The following PRKAR1B variants were observed in gnomAD, a reference collection of about 807,000 sequenced individuals.
The protein encoded by PRKAR1B is cAMP-dependent protein kinase type I-beta regulatory subunit.
In PRKAR1B, 22 loss-of-function variants were observed where a neutral mutation model predicts 46.5. The ratio of observed to expected loss-of-function variants is 0.47; its 90% CI spans 0.34 to 0.68. PRKAR1B has a LOEUF of 0.68. PRKAR1B is among the 30% of genes least tolerant of loss of function. The probability of loss-of-function intolerance (pLI) is 0.01; values close to 1 mark genes in which losing one functional copy is unlikely to be tolerated. For missense variants in PRKAR1B, 445 were observed against 535.6 expected (o/e 0.83, Z 1.67); for synonymous variants, 259 against 217.7 (o/e 1.19, Z -1.67).
chr7:695,607 G>A (rs939473737), intron 2 of PRKAR1B, among the ~76,000 whole-genome samples: 1 of 152,144 alleles, frequency 6.6e-6, no homozygotes, highest in Admixed American at 6.5e-5. Flanking sequence ...CAGGAATTGT[G>A]ACCAAATAAA....
chr7:559,810 T>C (rs1778675854), intron 9 of PRKAR1B, among the ~76,000 whole-genome samples: 1 of 152,180 alleles, frequency 6.6e-6, no homozygotes, highest in African/African-American at 2.4e-5. Context: ...GCACGGTGGC[T>C]CACACCTGTA....
At chr7:673,969 G>A (rs1583399149) in intron 4 of PRKAR1B, among the ~76,000 whole-genome samples, 1 of 152,288 alleles carries the variant, frequency 6.6e-6, no homozygotes, top group East Asian at 1.9e-4. Flanking sequence ...TGTGTTGCAT[G>A]GCCTCTTCCC....
rs910994680 is a variant in PRKAR1B, at chr7:666,566, C to G, written c.440+10663G>C. On this transcript the variant is annotated intron_variant, in intron 4 of 10. Coordinates refer to ENST00000537384, the MANE Select transcript of PRKAR1B (RefSeq NM_001164760.2). The surrounding 1 kb of genome is among the most constrained non-coding windows in gnomAD (Gnocchi z 4.9). Reference sequence around the variant, plus strand: ...TCCCAGGGGATAAGGACACCCCACTCCAGCCCCAGCTGGACAATTGCTGTG... The same window carrying G: ...TCCCAGGGGATAAGGACACCCCACTGCAGCCCCAGCTGGACAATTGCTGTG... Among the ~76,000 whole-genome samples the G allele has an allele frequency of 6.6e-6, 1 of 152,232 alleles. No homozygotes were observed.
intron 6 of PRKAR1B, among the ~76,000 whole-genome samples, chr7:605,692 A>G (rs545970079): frequency 6.6e-6 from 1 of 152,288 alleles, no homozygotes; most frequent in Admixed American, 6.5e-5. Context: ...TGACACAGTG[A>G]GACCCGACTC....
At chr7:616,289 A>G (rs1338435073) in intron 4 of PRKAR1B, among the ~76,000 whole-genome samples, 1 of 152,208 alleles carries the variant, frequency 6.6e-6, no homozygotes. Flanking sequence ...TGGAGAGGTC[A>G]GAGATCTCCA....
intron 4 of PRKAR1B, among the ~76,000 whole-genome samples, chr7:636,483 A>C (rs1323257145): frequency 6.6e-6 from 1 of 151,758 alleles, no homozygotes; most frequent in East Asian, 1.9e-4. Flanking sequence ...TGCCCACCGG[A>C]TGCTGGGGCT....
At chr7:653,179 C>G (rs184276327) in intron 4 of PRKAR1B, among the ~76,000 whole-genome samples, 9 of 152,350 alleles carry the variant, frequency 5.9e-5, no homozygotes, top group Admixed American at 2.6e-4. Flanking sequence ...AGAGCCAACG[C>G]AGAAGGAACT....
intron 4 of PRKAR1B, among the ~76,000 whole-genome samples, chr7:611,924 T>C (rs574122601): frequency 6.7e-6 from 1 of 149,070 alleles, no homozygotes; most frequent in East Asian, 2.0e-4. Context: ...AACGGATGGA[T>C]GGATGGATGG....
chr7:640,598 A>C (rs1453889727), intron 4 of PRKAR1B, among the ~76,000 whole-genome samples: 1 of 152,036 alleles, frequency 6.6e-6, no homozygotes, highest in African/African-American at 2.4e-5. Context: ...CCCCATCTCT[A>C]CTAAAAATAC....
chr7:570,356 AC>A (rs909826039), intron 9 of PRKAR1B, among the ~76,000 whole-genome samples: 3 of 151,850 alleles, frequency 2.0e-5, no homozygotes, highest in Non-Finnish European at 4.4e-5. Flanking sequence ...CGACTTTCAT[AC>A]CCCCCGTCAA....
At chr7:650,393 A>C (rs1583356476) in intron 4 of PRKAR1B, among the ~76,000 whole-genome samples, 2 of 134,786 alleles carry the variant, frequency 1.5e-5, no homozygotes, top group African/African-American at 5.7e-5. Context: ...CTCCCTGCTC[A>C]CTCCACCTGA....
chr7:571,896 G>A (rs1398978715), intron 9 of PRKAR1B, among the ~76,000 whole-genome samples: 6 of 152,336 alleles, frequency 3.9e-5, no homozygotes, highest in African/African-American at 1.2e-4. Context: ...CACAGCCCTG[G>A]CACACACTGC....
chr7:665,351 T>C (rs1562599659), intron 4 of PRKAR1B, among the ~76,000 whole-genome samples: 1 of 152,184 alleles, frequency 6.6e-6, no homozygotes, highest in African/African-American at 2.4e-5. Flanking sequence ...CGCAGCCTGC[T>C]TAACCTCTCT....
At chr7:561,138 C>CAGGCACACAA (rs1778766804) in intron 9 of PRKAR1B, among the ~76,000 whole-genome samples, 5 of 147,072 alleles carry the variant, frequency 3.4e-5, no homozygotes, top group African/African-American at 1.2e-4. Context: ...CACAAACACA[C>CAGGCACACAA]ACACACACAC....
intron 4 of PRKAR1B, among the ~76,000 whole-genome samples, chr7:640,114 G>C (rs1325974344): frequency 2.0e-5 from 3 of 147,340 alleles, no homozygotes; most frequent in Non-Finnish European, 4.5e-5. Flanking sequence ...AGTGAGCCGA[G>C]ATCGTACTAT....
intron 4 of PRKAR1B, among the ~76,000 whole-genome samples, chr7:653,009 C>T (rs183120929): frequency 1.3e-5 from 2 of 152,180 alleles, no homozygotes; most frequent in African/African-American, 4.8e-5. Flanking sequence ...CCCAGCTCCA[C>T]CCCCAGGAGT....
At chr7:613,718 G>C (rs898524255) in intron 4 of PRKAR1B, among the ~76,000 whole-genome samples, 6 of 152,218 alleles carry the variant, frequency 3.9e-5, no homozygotes, top group African/African-American at 1.4e-4. Flanking sequence ...AAAAAGCCAC[G>C]ACCAGGCCCA....
intron 9 of PRKAR1B, among the ~76,000 whole-genome samples, chr7:571,198 G>C (rs1013701026): frequency 6.6e-6 from 1 of 152,176 alleles, no homozygotes; most frequent in Non-Finnish European, 1.5e-5. Context: ...ATGTGGCACC[G>C]GCACTGTCCA....
At chr7:699,485 C>G (rs1266063157) in intron 2 of PRKAR1B, among the ~76,000 whole-genome samples, 4 of 152,114 alleles carry the variant, frequency 2.6e-5, no homozygotes, top group Non-Finnish European at 5.9e-5. Flanking sequence ...CAGTCCATCA[C>G]ACACTGTCAT....
Sources: gnomAD v4.1 joint callset for allele counts (sites outside exome capture counted in the v4.1 genomes callset) on GRCh38, gnomAD v4.1.1 for gene constraint, Gnocchi (gnomAD v3.1) non-coding constraint, MANE v1.5 for transcripts, NCBI Gene and HGNC (gene_info 2026-07-23, HGNC 2026-07-21) for gene names.